The following RBFOX1 variants were observed in gnomAD, a reference collection of about 807,000 sequenced individuals.
RBFOX1 encodes RNA binding fox-1 homolog 1, also known as RNA binding protein fox-1 homolog 1.
Under a neutral mutation model 57.7 loss-of-function variants are expected in RBFOX1, and 8 were observed. That is an observed-to-expected ratio of 0.14 (90% CI 0.08 to 0.25). RBFOX1 has a LOEUF of 0.25. RBFOX1 is among the 10% of genes least tolerant of loss of function. RBFOX1 has a pLI of 1.00. For synonymous variants in RBFOX1, 326 were observed against 222.4 expected, an observed-to-expected ratio of 1.47 and a Z score of -4.15; for missense variants, 611 against 548.5, an observed-to-expected ratio of 1.11 and a Z score of -1.14.
At chr16:6,898,914 C>G (rs1226535814) in intron 3 of RBFOX1, among the ~76,000 whole-genome samples, 1 of 149,528 alleles carries the variant, frequency 6.7e-6, no homozygotes, top group African/African-American at 2.5e-5. Flanking sequence ...TGTGTTTGTG[C>G]ATATGTGTAT....
chr16:6,153,544 T>G (rs2096815825), intron 1 of RBFOX1, among the ~76,000 whole-genome samples: 1 of 152,120 alleles, frequency 6.6e-6, no homozygotes, highest in Admixed American at 6.6e-5. Flanking sequence ...ACGTTTTTTT[T>G]TTCCCCCTTG....
chr16:6,920,976 T>C (rs2074329759), intron 3 of RBFOX1, among the ~76,000 whole-genome samples: 1 of 152,210 alleles, frequency 6.6e-6, no homozygotes, highest in African/African-American at 2.4e-5. Flanking sequence ...ATGGATTCTA[T>C]AGTTACTGGA....
At chr16:6,912,753 G>C (rs971106587) in intron 3 of RBFOX1, among the ~76,000 whole-genome samples, 2 of 151,768 alleles carry the variant, frequency 1.3e-5, no homozygotes, top group African/African-American at 4.8e-5. Flanking sequence ...GAGTAGCTGG[G>C]ACTATAGGCA....
rs557453554 is a variant in RBFOX1 at position 6,539,150 on chromosome 16, G to GGTAT, written c.-63-115451_-63-115448dup. ...AAAAAAAAAAAGAAAATTTGCCCAT[G>GGTAT]GTATGACTGTTCTTCTCCTTGGCGG... On this transcript the variant is annotated intron_variant, in intron 2 of 15. Transcript: ENST00000550418. 3.9e-4 allele frequency among the ~76,000 whole-genome samples: 59 copies of GGTAT among 151,798 alleles called. 1 individual carries two copies. Among genetic ancestry groups the GGTAT allele is most frequent in the South Asian group, 2.9e-3 (14 of 4,798 alleles).
intron 1 of RBFOX1, among the ~76,000 whole-genome samples, chr16:6,314,933 C>G (rs1264980263): frequency 6.6e-6 from 1 of 152,202 alleles, no homozygotes; most frequent in African/African-American, 2.4e-5. Flanking sequence ...TTTACGATGT[C>G]AGCTCCGTTG....
At chr16:7,268,735 G>A (rs548080989) in intron 4 of RBFOX1, among the ~76,000 whole-genome samples, 234 of 151,942 alleles carry the variant, frequency 1.5e-3, no homozygotes, top group Non-Finnish European at 2.3e-3. Flanking sequence ...TCACCCAAAG[G>A]CAAAAGAATC....
At chr16:6,583,770 C>T (rs1188457462) in intron 2 of RBFOX1, among the ~76,000 whole-genome samples, 1 of 152,178 alleles carries the variant, frequency 6.6e-6, no homozygotes, top group Non-Finnish European at 1.5e-5. Context: ...CCTAATGAAA[C>T]TGCAGTTTAA....
intron 1 of RBFOX1, among the ~76,000 whole-genome samples, chr16:5,306,039 C>T (rs543397073): frequency 6.6e-6 from 1 of 152,080 alleles, no homozygotes; most frequent in African/African-American, 2.4e-5. Flanking sequence ...CAAAATTAGA[C>T]ACATACACAA....
chr16:5,852,224 C>A (rs1053277096), intron 3 of RBFOX1, among the ~76,000 whole-genome samples: 4 of 152,126 alleles, frequency 2.6e-5, no homozygotes, highest in African/African-American at 9.7e-5. Context: ...CTAGCCTTTG[C>A]CCATGCTGTC....
intron 2 of RBFOX1, among the ~76,000 whole-genome samples, chr16:5,597,090 C>T (rs908298627): frequency 6.6e-6 from 1 of 152,166 alleles, no homozygotes; most frequent in African/African-American, 2.4e-5. Context: ...ACAGAAATCC[C>T]AGAACTCTGT....
chr16:5,326,642 A>C (rs2064581539), intron 1 of RBFOX1, among the ~76,000 whole-genome samples: 1 of 152,190 alleles, frequency 6.6e-6, no homozygotes, highest in African/African-American at 2.4e-5. Flanking sequence ...GACTCATCCA[A>C]GATCTGTAGG....
intron 4 of RBFOX1, chr16:7,304,565 C>CGGTG (rs936439877): frequency 3.7e-5 from 36 of 985,326 alleles, no homozygotes; most frequent in Non-Finnish European, 4.2e-5. Context: ...GGCTGCGCTT[C>CGGTG]GGTGCCTTAT....
At chr16:6,133,106 T>C (rs982724763) in intron 1 of RBFOX1, among the ~76,000 whole-genome samples, 10 of 152,008 alleles carry the variant, frequency 6.6e-5, no homozygotes, top group Non-Finnish European at 1.2e-4. Context: ...ATTTTAAAAA[T>C]GTCTTCTCTG....
chr16:6,004,316 C>G (rs974640542), intron 4 of RBFOX1, among the ~76,000 whole-genome samples: 1 of 152,196 alleles, frequency 6.6e-6, no homozygotes, highest in African/African-American at 2.4e-5. Context: ...CTTAGCTTCT[C>G]TAAGCCTCAG....
chr16:5,435,816 C>G (rs188675953), intron 1 of RBFOX1, among the ~76,000 whole-genome samples: 7 of 152,236 alleles, frequency 4.6e-5, no homozygotes, highest in African/African-American at 1.7e-4. Context: ...TAGCATTCCA[C>G]TGTGTGGATA....
Position 5,971,577 on chromosome 16 carries a change from A to G in RBFOX1, c.351+104242A>G, listed in dbSNP as rs557806214. Among the ~76,000 whole-genome samples the G allele has an allele frequency of 1.6e-4, 25 of 152,348 alleles. No homozygotes were observed. The East Asian group carries it at 4.4e-3, about 27-fold the overall frequency. On this transcript the variant is annotated intron_variant, in intron 4 of 19. Coordinates refer to the RBFOX1 transcript ENST00000641259. ...TCATAAGTTAAAATCCTGCTAATGCACTAGCTCTTGTGGTCTTGGATAACT... is the reference window on the plus strand; with the variant it reads ...TCATAAGTTAAAATCCTGCTAATGCGCTAGCTCTTGTGGTCTTGGATAACT...
intron 7 of RBFOX1, among the ~76,000 whole-genome samples, chr16:7,594,076 T>C (rs930657734): frequency 3.9e-5 from 6 of 152,100 alleles, no homozygotes; most frequent in Admixed American, 3.3e-4. Context: ...GCTGCACCCA[T>C]CAACTAGTCA....
intron 3 of RBFOX1, among the ~76,000 whole-genome samples, chr16:5,747,573 G>A (rs924165840): frequency 2.0e-5 from 3 of 152,102 alleles, no homozygotes; most frequent in Non-Finnish European, 2.9e-5. Flanking sequence ...TGATTCGTCT[G>A]TTCAGGGATT....
At chr16:7,677,899 G>T (rs1448425102) in intron 14 of RBFOX1, among the ~76,000 whole-genome samples, 2 of 152,198 alleles carry the variant, frequency 1.3e-5, no homozygotes, top group Non-Finnish European at 2.9e-5. Context: ...CTGTTGTGAT[G>T]TAGTTCCTAC....
Sources: gnomAD v4.1 joint callset for allele counts (sites outside exome capture counted in the v4.1 genomes callset) on GRCh38, gnomAD v4.1.1 for gene constraint, MANE v1.5 for transcripts, NCBI Gene and HGNC (gene_info 2026-07-23, HGNC 2026-07-21) for gene names.